Variants in UXS1 observed in about 807,000 individuals in gnomAD.
The protein encoded by UXS1 is UDP-glucuronate decarboxylase 1.
A neutral mutation model predicts 62.6 loss-of-function variants in UXS1; 33 were observed. That is an observed-to-expected ratio of 0.53 (90% CI 0.40 to 0.70). The LOEUF (loss-of-function observed/expected upper bound fraction) is 0.70. Ranked by LOEUF, UXS1 falls within the 30% of genes least tolerant of loss-of-function variation. UXS1 has a pLI of 0.00. For synonymous variants in UXS1, 213 were observed against 206.8 expected (o/e 1.03, Z -0.26); for missense variants, 434 against 556.3 (o/e 0.78, Z 2.21).
intron 5 of UXS1, among the ~76,000 whole-genome samples, chr2:106,147,954 C>G (rs1681702221): frequency 6.6e-6 from 1 of 152,212 alleles, no homozygotes; most frequent in Non-Finnish European, 1.5e-5. Context: ...ATGGTTAAGA[C>G]AGGATGGGTG....
At chr2:106,136,792 TG>T (rs1680670921) in intron 6 of UXS1, among the ~76,000 whole-genome samples, 1 of 74,506 alleles carries the variant, frequency 1.3e-5, no homozygotes, top group Non-Finnish European at 2.5e-5. Flanking sequence ...GGGATAGCAT[TG>T]GGAGATATAC....
At chr2:106,172,014 A>G (rs1011828310) in intron 1 of UXS1, among the ~76,000 whole-genome samples, 8 of 151,350 alleles carry the variant, frequency 5.3e-5, no homozygotes, top group African/African-American at 1.7e-4. Context: ...CTTCTTTCCA[A>G]TGTTTCCTAA....
At chr2:106,181,841 G>T (rs1037424308) in intron 1 of UXS1, among the ~76,000 whole-genome samples, 19 of 152,276 alleles carry the variant, frequency 1.2e-4, no homozygotes, top group South Asian at 4.2e-4. Context: ...GCTAACGCTG[G>T]GATCCAACGT....
At chr2:106,157,259 C>G (rs1427812630) in intron 5 of UXS1, among the ~76,000 whole-genome samples, 1 of 93,682 alleles carries the variant, frequency 1.1e-5, no homozygotes, top group Non-Finnish European at 2.1e-5. Flanking sequence ...AATTATATCC[C>G]AATAAAGCTG....
At chr2:106,164,320 T>C (rs904199198) in intron 3 of UXS1, among the ~76,000 whole-genome samples, 4 of 152,114 alleles carry the variant, frequency 2.6e-5, no homozygotes, top group African/African-American at 7.2e-5. Context: ...TAACTGAGCA[T>C]AGGTGCTAGC....
At chr2:106,116,131 C>G (rs750322377) in intron 9 of UXS1, among the ~76,000 whole-genome samples, 16 of 152,138 alleles carry the variant, frequency 1.1e-4, no homozygotes, top group Non-Finnish European at 1.8e-4. Context: ...AAGAGGTGAC[C>G]CAAGAGGAGT....
At chr2:106,192,903 T>C (rs545580006) in intron 1 of UXS1, among the ~76,000 whole-genome samples, 1 of 152,316 alleles carries the variant, frequency 6.6e-6, no homozygotes, top group African/African-American at 2.4e-5. Flanking sequence ...TAGGTAGTAT[T>C]ACTGCCATAA....
intron 1 of UXS1, among the ~76,000 whole-genome samples, chr2:106,186,190 G>A (rs1028141754): frequency 2.6e-5 from 4 of 152,066 alleles, no homozygotes; most frequent in African/African-American, 7.2e-5. Context: ...CAAGATATTC[G>A]CACAGGTGGC....
intron 10 of UXS1, among the ~76,000 whole-genome samples, chr2:106,107,529 T>A (rs762154804): frequency 5.3e-5 from 8 of 152,160 alleles, no homozygotes; most frequent in Non-Finnish European, 5.9e-5. Context: ...CGGGATGGGT[T>A]AACTAGGCTG....
At position 106,165,521 on chromosome 2, in the gene UXS1, C is replaced by G. The variant is rs533288751; in HGVS notation, c.122+535G>C. On this transcript the variant is annotated intron_variant, in intron 2 of 14. Transcript: ENST00000283148. The stretch of plus-strand genomic sequence containing the variant: ...TTCTTTTTGCTGATTTTTTTAAAGG[C>G]TATTTTTTTTTATTTGGTAAAGAGA... Among the ~76,000 whole-genome samples, 164 of 151,692 alleles carry G rather than the reference C, an allele frequency of 1.1e-3. 1 individual carries two copies. The highest frequency in any genetic ancestry group is 1.7e-3 in the Non-Finnish European group (117 of 67,978).
intron 5 of UXS1, among the ~76,000 whole-genome samples, chr2:106,146,772 CAAAA>C (rs55896853): frequency 1.5e-4 from 7 of 45,228 alleles, no homozygotes; most frequent in East Asian, 7.9e-4. Flanking sequence ...GACTCCATCT[CAAAA>C]AAAAAAAAAA....
At chr2:106,138,805 A>G (rs1680865098) in intron 6 of UXS1, 1 of 985,500 alleles carries the variant, frequency 1.0e-6, no homozygotes, top group Non-Finnish European at 1.2e-6. Context: ...TATGAAAATC[A>G]AAGTTTCCCA....
Position 106,111,966 on chromosome 2 carries a change from C to T in UXS1, c.879+680G>A, listed in dbSNP as rs1428188718. Among the ~76,000 whole-genome samples the T allele has an allele frequency of 2.6e-5, 4 of 152,208 alleles. No homozygotes were observed. In the South Asian group the frequency reaches 8.3e-4, roughly 32 times the overall value. ...GGGGTGGGAGGGAGGATTAGCAAAA[C>T]CAAAGATGCCGGCAGAGCCTCTCAC... On this transcript the variant is annotated intron_variant, in intron 10 of 14. Transcript: ENST00000283148.
intron 1 of UXS1, among the ~76,000 whole-genome samples, chr2:106,171,396 G>A (rs1683548864): frequency 6.6e-6 from 1 of 152,186 alleles, no homozygotes; most frequent in South Asian, 2.1e-4. Context: ...GAAGTCTGTG[G>A]ATCTCCATGG....
At chr2:106,159,887 C>T (rs1017907123) in intron 4 of UXS1, 7 of 152,150 alleles carry the variant, frequency 4.6e-5, no homozygotes, top group African/African-American at 9.7e-5. Flanking sequence ...GACGAATTCC[C>T]CCATTAAGAA....
intron 1 of UXS1, among the ~76,000 whole-genome samples, chr2:106,177,563 T>C (rs1573573833): frequency 1.3e-5 from 2 of 152,352 alleles, no homozygotes; most frequent in East Asian, 3.9e-4. Flanking sequence ...CACCAGGTAA[T>C]ACGACCTTCC....
chr2:106,130,201 C>G (rs2104949238), intron 6 of UXS1, among the ~76,000 whole-genome samples: 1 of 152,020 alleles, frequency 6.6e-6, no homozygotes, highest in South Asian at 2.1e-4. Context: ...AAAGTAGCCT[C>G]TCGTTTGTTT....
intron 9 of UXS1, among the ~76,000 whole-genome samples, chr2:106,115,109 G>A (rs1028746867): frequency 3.3e-5 from 5 of 152,174 alleles, no homozygotes; most frequent in Non-Finnish European, 5.9e-5. Context: ...GGGGACAGTC[G>A]ATGGATGCTG....
At chr2:106,150,593 T>C (rs1430801148) in intron 5 of UXS1, among the ~76,000 whole-genome samples, 1 of 152,174 alleles carries the variant, frequency 6.6e-6, no homozygotes, top group African/African-American at 2.4e-5. Flanking sequence ...CTTGGTGGTG[T>C]CCACGTGGTG....
Sources: gnomAD v4.1 joint callset for allele counts (sites outside exome capture counted in the v4.1 genomes callset) on GRCh38, gnomAD v4.1.1 for gene constraint, MANE v1.5 for transcripts, NCBI Gene and HGNC (gene_info 2026-07-23, HGNC 2026-07-21) for gene names.